The following PKD1L3 variants were observed in gnomAD, a reference collection of about 807,000 sequenced individuals.
PKD1L3 encodes the protein polycystin-1-like protein 3.
PKD1L3 carries 239 observed loss-of-function variants against 184.1 expected under a neutral mutation model. The ratio of observed to expected loss-of-function variants is 1.30; its 90% CI spans 1.17 to 1.45. The LOEUF (loss-of-function observed/expected upper bound fraction) is 1.45. Among genes scored for constraint, PKD1L3 ranks in the 40% most tolerant of loss-of-function variants. The probability of loss-of-function intolerance (pLI) is 0.00; values close to 1 mark genes in which losing one functional copy is unlikely to be tolerated. For missense variants in PKD1L3, 2,660 were observed against 2,067.2 expected, an observed-to-expected ratio of 1.29 and a Z score of -5.56; for synonymous variants, 996 against 778.8, an observed-to-expected ratio of 1.28 and a Z score of -4.64.
intron 21 of PKD1L3, among the ~76,000 whole-genome samples, chr16:71,949,472 C>T (rs535319795): frequency 2.0e-4 from 31 of 151,860 alleles, no homozygotes; most frequent in African/African-American, 7.5e-4. Context: ...CCACCTTAGA[C>T]TCCTAAGTAG....
At chr16:71,939,428 C>T in intron 24 of PKD1L3, among the ~76,000 whole-genome samples, 1 of 152,216 alleles carries the variant, frequency 6.6e-6, no homozygotes, top group Non-Finnish European at 1.5e-5. Context: ...ACAGAGGTTT[C>T]TGGCTGGCAA....
At chr16:71,979,745 G>A (rs1337973180) in intron 9 of PKD1L3, 41 bp downstream of exon 9, 62 of 1,465,242 alleles carry the variant, frequency 4.2e-5, no homozygotes, top group African/African-American at 5.7e-5. Flanking sequence ...ATGGCCATCA[G>A]ATCCCATTTT....
chr16:71,954,061 A>AT (rs34041171), intron 17 of PKD1L3, 44 bp downstream of exon 17: 30 of 1,316,150 alleles, frequency 2.3e-5, no homozygotes, highest in Admixed American at 6.6e-5. Context: ...AAAAAAAAAA[A>AT]GGATTGCTTA....
intron 27 of PKD1L3, among the ~76,000 whole-genome samples, 158 bp from the exon 28 acceptor site, chr16:71,933,679 G>C (rs896701517): frequency 1.3e-5 from 2 of 152,158 alleles, no homozygotes; most frequent in Non-Finnish European, 2.9e-5. Context: ...TAATAACATA[G>C]TGTTTTCATA....
chr16:71,992,841 G>A (rs1420665891), intron 3 of PKD1L3, among the ~76,000 whole-genome samples: 2 of 152,052 alleles, frequency 1.3e-5, no homozygotes, highest in South Asian at 2.1e-4. Flanking sequence ...GATATTGATT[G>A]CCGTCATTTC....
At chr16:71,989,306 C>G (rs940452470) in intron 4 of PKD1L3, among the ~76,000 whole-genome samples, 1 of 152,222 alleles carries the variant, frequency 6.6e-6, no homozygotes, top group Non-Finnish European at 1.5e-5. Flanking sequence ...AGGCGCTCCA[C>G]CAAGCCTGGC....
intron 24 of PKD1L3, among the ~76,000 whole-genome samples, chr16:71,938,134 G>A (rs1053165902): frequency 6.6e-6 from 1 of 152,114 alleles, no homozygotes; most frequent in Non-Finnish European, 1.5e-5. Context: ...GCACTCGGGG[G>A]CTCAGGAAAC....
chr16:71,998,522 C>G (rs1379256825), intron 1 of PKD1L3, 128 bp from the exon 2 acceptor site: 2 of 1,248,850 alleles, frequency 1.6e-6, no homozygotes, highest in Non-Finnish European at 2.1e-6. Flanking sequence ...GTGATCTTCA[C>G]TCACTGCAAT....
intron 28 of PKD1L3, among the ~76,000 whole-genome samples, chr16:71,931,493 G>A (rs1321590734): frequency 7.6e-6 from 1 of 131,420 alleles, no homozygotes; most frequent in African/African-American, 2.9e-5. Flanking sequence ...TTTTGAAATG[G>A]TCTTGCTCTC....
chr16:71,998,246 T>G (rs1428656709), intron 2 of PKD1L3, 26 bp downstream of exon 2: 2 of 1,551,212 alleles, frequency 1.3e-6, no homozygotes, highest in Non-Finnish European at 1.7e-6. Flanking sequence ...TTTGGGTCTT[T>G]GGCAGCATGT....
Position 71,951,696 on chromosome 16 carries a change from G to A in PKD1L3, c.3058C>T (p.Leu1020Phe), listed in dbSNP as rs377603137. The change falls in exon 19 of 30, where the codon CTC becomes TTC. Residue 1020 changes from leucine to phenylalanine, a missense_variant. By Grantham distance (22) the Leu-to-Phe change is conservative. Coordinates refer to ENST00000620267, the MANE Select transcript of PKD1L3 (RefSeq NM_181536.2). ...RFLLRRNTYLLSKCEQPPWSS... is the reference protein window; with the variant it reads ...RFLLRRNTYLFSKCEQPPWSS... ...CATGGCGGCTGCTCACACTTGGAGA[G>A]TAGGTATGTATTTCTCCTGAGCAGG... The A allele has an allele frequency of 1.2e-5, 19 of 1,551,610 alleles. No individual in the cohort carries two copies. The East Asian group carries it at 3.7e-4, about 30-fold the overall frequency.
Position 71,954,230 on chromosome 16 carries a change from T to G in PKD1L3, c.2684A>C (p.His895Pro), listed in dbSNP as rs1007836992. ...DYLWLSIATRHPWNQFTRVQR... is the reference protein window; with the variant it reads ...DYLWLSIATRPPWNQFTRVQR... ...GACCCTTGTAAACTGGTTCCAGGGA[T>G]GCCGAGTTGCAATTGAAAGCCACAG... Residue 895 changes from histidine to proline, a missense_variant, in exon 17 of 30, where the codon CAT becomes CCT. By Grantham distance (77) the His-to-Pro change is moderately conservative. Transcript: ENST00000620267. 7.7e-6 allele frequency: 12 copies of G among 1,551,012 alleles called. No homozygotes were observed. Among genetic ancestry groups the G allele is most frequent in the African/African-American group, 1.4e-5 (1 of 73,004 alleles).
At position 71,951,551 on chromosome 16, in the gene PKD1L3, T is replaced by C. The variant is rs1316986028; in HGVS notation, c.3190+13A>G. On this transcript the variant is annotated intron_variant, in intron 19 of 29. Coordinates refer to ENST00000620267, the MANE Select transcript of PKD1L3 (RefSeq NM_181536.2). The stretch of plus-strand genomic sequence containing the variant: ...AGATGGAAGATTCGTTACTGAAATC[T>C]ACTGAAGTTTACCACGTGCCCAGTG... 3.9e-6 allele frequency: 6 copies of C among 1,544,158 alleles called. No homozygotes were observed. In the Admixed American group the frequency reaches 6.0e-5, roughly 16 times the overall value.
At chr16:71,939,715 G>A (rs145705593) in intron 24 of PKD1L3, among the ~76,000 whole-genome samples, 1 of 152,278 alleles carries the variant, frequency 6.6e-6, no homozygotes, top group African/African-American at 2.4e-5. Flanking sequence ...GGAGAAAGAT[G>A]TGATGGAAAA....
At chr16:71,984,882 G>A (rs1437348201) in intron 5 of PKD1L3, among the ~76,000 whole-genome samples, 1 of 152,114 alleles carries the variant, frequency 6.6e-6, no homozygotes, top group African/African-American at 2.4e-5. Flanking sequence ...ATATTCAAGA[G>A]GTAATGACTT....
At chr16:71,979,686 T>A in intron 9 of PKD1L3, 100 bp downstream of exon 9, 3 of 1,354,224 alleles carry the variant, frequency 2.2e-6, no homozygotes, top group Non-Finnish European at 9.8e-7. Context: ...TCTGATCTGG[T>A]CTGTTCAGTT....
At chr16:71,980,293 C>T (rs1404130126) in intron 7 of PKD1L3, among the ~76,000 whole-genome samples, 159 bp from the exon 8 acceptor site, 2 of 152,118 alleles carry the variant, frequency 1.3e-5, no homozygotes, top group African/African-American at 4.8e-5. Flanking sequence ...AAAGTACTTG[C>T]AACCTGGCTA....
rs1204800339 is a variant in PKD1L3, at chr16:71,982,199, C to T, written c.1003G>A (p.Glu335Lys). The change falls in exon 7 of 30, where the codon GAG becomes AAG. Residue 335 changes from glutamate (E) to lysine (K), a missense_variant. By Grantham distance (56) the Glu-to-Lys change is moderately conservative (BLOSUM62 1). Transcript: ENST00000620267. ...TTCTGAAATGGGATCCTGAGTAACTCCTCACTCAGGTAAATAAGGGAATTG... is the reference window on the plus strand; with the variant it reads ...TTCTGAAATGGGATCCTGAGTAACTTCTCACTCAGGTAAATAAGGGAATTG... ...LINSLIYLSE[E>K]LLRIPFQNNN... 1 of 1,549,340 alleles carries T rather than the reference C, an allele frequency of 6.5e-7. No homozygotes were observed. The highest frequency in any genetic ancestry group is 8.7e-7 in the Non-Finnish European group (1 of 1,146,032).
chr16:71,969,201 G>C lies in PKD1L3; in HGVS notation c.2184+674C>G, dbSNP rs149648673. 2.9e-3 allele frequency among the ~76,000 whole-genome samples: 438 copies of C among 152,208 alleles called. 3 individuals carry two copies. The highest frequency in any genetic ancestry group is 0.01 in the African/African-American group (419 of 41,534). On this transcript the variant is annotated intron_variant, in intron 13 of 29. Transcript: ENST00000620267. ...CTGCCTCGGCCTCCCAAAGTGCTGGGATTACAGGCGTGAGCCACTGCACCC... is the reference window on the plus strand; with the variant it reads ...CTGCCTCGGCCTCCCAAAGTGCTGGCATTACAGGCGTGAGCCACTGCACCC...
Sources: allele counts gnomAD v4.1 joint callset (sites outside exome capture counted in the v4.1 genomes callset), GRCh38; gene constraint gnomAD v4.1.1; transcripts MANE v1.5; gene names NCBI Gene and HGNC (gene_info 2026-07-23, HGNC 2026-07-21).